MALRD1: variants seen among roughly 807,000 people sequenced by gnomAD.
The protein encoded by MALRD1 is MAM and LDL-receptor class A domain-containing protein 1.
In MALRD1, 247 loss-of-function variants were observed where a neutral mutation model predicts 242.1. That is an observed-to-expected ratio of 1.02 (90% CI 0.92 to 1.13). MALRD1 has a LOEUF of 1.13. Ranked by LOEUF, MALRD1 falls within the 50% of genes most tolerant of loss-of-function variation. The pLI is 0.00. For missense variants in MALRD1, 2,989 were observed against 2,533.1 expected, an observed-to-expected ratio of 1.18 and a Z score of -3.86; for synonymous variants, 995 against 866.6, an observed-to-expected ratio of 1.15 and a Z score of -2.60.
intron 10 of MALRD1, among the ~76,000 whole-genome samples, chr10:19,143,107 G>A (rs7092998): frequency 0.34 from 51,680 of 152,044 alleles, 9,202 homozygotes; most frequent in Admixed American, 0.39. Flanking sequence ...TTCAAAGGAT[G>A]GTGGTGTTTA....
chr10:19,730,884 A>C lies in MALRD1; in HGVS notation c.6390+103A>C, dbSNP rs534043888. The C allele has an allele frequency of 1.6e-5, 17 of 1,065,964 alleles. No individual in the cohort carries two copies. In the African/African-American group the frequency reaches 2.6e-4, roughly 16 times the overall value. The allele number at this position is 1,065,964 out of a possible 1,614,324, so 66.0% of individuals were successfully genotyped here. A position where few individuals can be genotyped will look rare whatever the true frequency, so the allele number is the denominator to read the frequency against. On this transcript the variant is annotated intron_variant, in intron 39 of 39. Transcript: ENST00000454679. Reference sequence around the variant, plus strand: ...CAGTGTTGCTTGATCATGTTTCTACATCATAACTAAAAGAAATGTTTTAGT... The same window carrying C: ...CAGTGTTGCTTGATCATGTTTCTACCTCATAACTAAAAGAAATGTTTTAGT...
chr10:19,642,874 T>G (rs1840457060), intron 36 of MALRD1, among the ~76,000 whole-genome samples: 1 of 152,146 alleles, frequency 6.6e-6, no homozygotes, highest in Non-Finnish European at 1.5e-5. Context: ...CTAATAGGTT[T>G]CAGGGAGTAG....
intron 5 of MALRD1, among the ~76,000 whole-genome samples, chr10:19,117,741 T>A (rs1836921618): frequency 2.0e-5 from 3 of 152,198 alleles, no homozygotes; most frequent in Non-Finnish European, 4.4e-5. Flanking sequence ...AGAAACCAGA[T>A]TGTGGATGCA....
chr10:19,283,205 A>ATC (rs1554825257), intron 21 of MALRD1, 24 bp downstream of exon 21: 2 of 1,484,008 alleles, frequency 1.3e-6, no homozygotes, highest in African/African-American at 2.8e-5. Context: ...TATTTTGAAT[A>ATC]TCTCTCTTGG....
At chr10:19,051,921 CAAAAAAAA>C (rs1178410946) in intron 1 of MALRD1, 7 of 62,718 alleles carry the variant, frequency 1.1e-4, no homozygotes, top group Middle Eastern at 0.015. Context: ...GACTCCGTCT[CAAAAAAAA>C]AAAAAAAAAA....
intron 37 of MALRD1, 34 bp from the exon 38 acceptor site, chr10:19,692,424 C>A: frequency 6.5e-7 from 1 of 1,530,310 alleles, no homozygotes; most frequent in African/African-American, 1.4e-5. Flanking sequence ...TATTTCACTG[C>A]ATATTTATCT....
chr10:19,284,430 T>G (rs1841002401), intron 21 of MALRD1, among the ~76,000 whole-genome samples: 4 of 122,640 alleles, frequency 3.3e-5, no homozygotes, highest in Non-Finnish European at 6.4e-5. Flanking sequence ...GTCCCCAGAG[T>G]GTGATGTTCC....
intron 5 of MALRD1, among the ~76,000 whole-genome samples, chr10:19,122,111 A>C (rs1195658969): frequency 6.6e-6 from 1 of 152,196 alleles, no homozygotes; most frequent in East Asian, 1.9e-4. Context: ...AGTATGGAGA[A>C]GTATGAGCAT....
At chr10:19,182,293 A>G (rs1400734639) in intron 14 of MALRD1, among the ~76,000 whole-genome samples, 2 of 142,656 alleles carry the variant, frequency 1.4e-5, no homozygotes, top group East Asian at 4.1e-4. Context: ...TTAGAATTCC[A>G]TTTTAAACAC....
At chr10:19,438,533 G>A (rs1218746275) in intron 28 of MALRD1, among the ~76,000 whole-genome samples, 1 of 152,160 alleles carries the variant, frequency 6.6e-6, no homozygotes, top group Non-Finnish European at 1.5e-5. Flanking sequence ...CGTAATTGAT[G>A]GATCACATAG....
chr10:19,169,062 C>G (rs989314640), intron 13 of MALRD1, among the ~76,000 whole-genome samples: 1 of 152,130 alleles, frequency 6.6e-6, no homozygotes, highest in Admixed American at 6.6e-5. Flanking sequence ...ATTTGGAAAG[C>G]AATAAGCTTT....
chr10:19,410,075 T>C (rs7910052), intron 28 of MALRD1, among the ~76,000 whole-genome samples: 113,254 of 152,050 alleles, frequency 0.74, 42,796 homozygotes, highest in African/African-American at 0.86. Flanking sequence ...AGTTAATTAG[T>C]AGCTTGCTCT....
chr10:19,479,381 A>G (rs1836886311), intron 29 of MALRD1, among the ~76,000 whole-genome samples: 2 of 152,174 alleles, frequency 1.3e-5, no homozygotes, highest in Admixed American at 1.3e-4. Flanking sequence ...CTAAGGTGTG[A>G]GTTATAGGAA....
intron 29 of MALRD1, among the ~76,000 whole-genome samples, chr10:19,458,911 TG>T (rs557982445): frequency 1.3e-3 from 199 of 152,006 alleles, no homozygotes; most frequent in African/African-American, 4.2e-3. Context: ...TATATATATG[TG>T]CGTATATATA....
chr10:19,182,933 T>A lies in MALRD1; in HGVS notation c.1951+7605T>A, dbSNP rs1052657988. ...ATTTCTTTAATCACAGTACATTTTA[T>A]AATCTGAAATGTATTAAATTGCTTT... On this transcript the variant is annotated intron_variant, in intron 14 of 39. Transcript: ENST00000454679. Among the ~76,000 whole-genome samples, 6 of 152,290 alleles carry A rather than the reference T, an allele frequency of 3.9e-5. No homozygotes were observed. In the East Asian group the frequency reaches 1.2e-3, roughly 29 times the overall value.
chr10:19,287,301 G>A (rs990277200), intron 21 of MALRD1, among the ~76,000 whole-genome samples: 6 of 151,908 alleles, frequency 3.9e-5, no homozygotes, highest in African/African-American at 1.5e-4. Context: ...ATATATAGTC[G>A]TTTCTTGATT....
chr10:19,111,290 A>G (rs1380678514), intron 5 of MALRD1, among the ~76,000 whole-genome samples: 10 of 152,360 alleles, frequency 6.6e-5, no homozygotes, highest in African/African-American at 2.4e-4. Flanking sequence ...GTGATCCAGT[A>G]GAAAAACATG....
chr10:19,419,193 T>C (rs1466019288), intron 28 of MALRD1, among the ~76,000 whole-genome samples: 1 of 152,192 alleles, frequency 6.6e-6, no homozygotes, highest in African/African-American at 2.4e-5. Flanking sequence ...TCCTTTACAC[T>C]TTCCTGGTTT....
intron 29 of MALRD1, among the ~76,000 whole-genome samples, chr10:19,484,130 G>T (rs575613210): frequency 6.6e-6 from 1 of 152,304 alleles, no homozygotes; most frequent in East Asian, 1.9e-4. Context: ...GACAAGAGAA[G>T]AGAGGGAGGA....
Sources: allele counts gnomAD v4.1 joint callset (sites outside exome capture counted in the v4.1 genomes callset), GRCh38; gene constraint gnomAD v4.1.1; transcripts MANE v1.5; gene names NCBI Gene and HGNC (gene_info 2026-07-23, HGNC 2026-07-21).